Variants in STEAP1B observed in about 807,000 individuals in gnomAD.
The protein encoded by STEAP1B is STEAP family protein MGC87042.
Under a neutral mutation model 27.9 loss-of-function variants are expected in STEAP1B, and 13 were observed. That is an observed-to-expected ratio of 0.47 (90% CI 0.30 to 0.74). The LOEUF (loss-of-function observed/expected upper bound fraction) is 0.74. Ranked by LOEUF, STEAP1B falls within the 30% of genes least tolerant of loss-of-function variation. The pLI is 0.06. For synonymous variants in STEAP1B, 86 were observed against 107.1 expected, an observed-to-expected ratio of 0.80 and a Z score of 1.22; for missense variants, 250 against 298.7, an observed-to-expected ratio of 0.84 and a Z score of 1.20.
chr7:22,428,246 G>T (rs1785133964), intron 4 of STEAP1B, among the ~76,000 whole-genome samples: 1 of 152,142 alleles, frequency 6.6e-6, no homozygotes, highest in Non-Finnish European at 1.5e-5. Flanking sequence ...TGTCTAGGGA[G>T]CACAACCCAT....
At chr7:22,488,951 T>C (rs1178639134) in intron 4 of STEAP1B, among the ~76,000 whole-genome samples, 2 of 152,188 alleles carry the variant, frequency 1.3e-5, no homozygotes, top group African/African-American at 2.4e-5. Context: ...GCCATAAAAA[T>C]GACTAGGAGT....
chr7:22,437,857 G>A (rs759530700), intron 4 of STEAP1B, among the ~76,000 whole-genome samples: 12 of 152,148 alleles, frequency 7.9e-5, no homozygotes, highest in Non-Finnish European at 1.5e-4. Context: ...AATTAGTGAC[G>A]TGATTATTGA....
At position 22,456,972 on chromosome 7, in the gene STEAP1B, A is replaced by ATATATATATATATATATTTTT; in HGVS notation, c.762+35592_762+35593insAAAAATATATATATATATATA. 1.1e-4 allele frequency among the ~76,000 whole-genome samples: 6 copies of ATATATATATATATATATTTTT among 57,078 alleles called. 1 individual carries two copies. Among genetic ancestry groups the ATATATATATATATATATTTTT allele is most frequent in the African/African-American group, 3.5e-4 (5 of 14,276 alleles). 37.4% of individuals were successfully genotyped at this position (57,078 alleles called of 152,430 possible). A position where few individuals can be genotyped will look rare whatever the true frequency, so the allele number is the denominator to read the frequency against. ...GGCAGCTATATATATATATATATATATTTTTTTTTTTTTTAAGTATCCTGG... is the reference window on the plus strand; with the variant it reads ...GGCAGCTATATATATATATATATATATATATATATATATATATTTTTTTTTTTTTTTTTTTAAGTATCCTGG... On this transcript the variant is annotated intron_variant, in intron 4 of 4. Coordinates refer to ENST00000678116, the MANE Select transcript of STEAP1B (RefSeq NM_001382447.1).
intron 4 of STEAP1B, among the ~76,000 whole-genome samples, chr7:22,429,396 G>A (rs1032383152): frequency 6.6e-6 from 1 of 152,150 alleles, no homozygotes; most frequent in Non-Finnish European, 1.5e-5. Flanking sequence ...ACATCATGTT[G>A]CATTTTTTTC....
At chr7:22,455,571 G>C (rs532577727) in intron 4 of STEAP1B, among the ~76,000 whole-genome samples, 3 of 152,252 alleles carry the variant, frequency 2.0e-5, no homozygotes, top group African/African-American at 7.2e-5. Flanking sequence ...TTTTTATTAA[G>C]TTGTCTTTTT....
At chr7:22,488,484 G>C (rs921875552) in intron 4 of STEAP1B, among the ~76,000 whole-genome samples, 1 of 152,222 alleles carries the variant, frequency 6.6e-6, no homozygotes, top group African/African-American at 2.4e-5. Flanking sequence ...AGAAGGGCTT[G>C]AATAAGTGGA....
Position 22,464,376 on chromosome 7 carries a change from T to C in STEAP1B, c.762+28189A>G, listed in dbSNP as rs144248421. On this transcript the variant is annotated intron_variant, in intron 4 of 4. Transcript: ENST00000678116. ...GTTCGGGTTTACTGAGGGTGTGTTC[T>C]ACTAACTCACTTTTTAACTTAGTCC... 1.4e-3 allele frequency among the ~76,000 whole-genome samples: 213 copies of C among 152,302 alleles called. 2 individuals are homozygous for C. Among genetic ancestry groups the C allele is most frequent in the African/African-American group, 4.1e-3 (169 of 41,574 alleles).
At chr7:22,441,915 G>C (rs763111571) in intron 4 of STEAP1B, among the ~76,000 whole-genome samples, 11 of 152,186 alleles carry the variant, frequency 7.2e-5, no homozygotes, top group Admixed American at 5.2e-4. Flanking sequence ...TAAGACTTTT[G>C]AATAAAACTA....
At chr7:22,456,972 A>ATATTTTTTTTTT in intron 4 of STEAP1B, among the ~76,000 whole-genome samples, 2 of 57,046 alleles carry the variant, frequency 3.5e-5, no homozygotes, top group African/African-American at 1.4e-4. Context: ...ATATATATAT[A>ATATTTTTTTTTT]TTTTTTTTTT....
chr7:22,476,432 A>G (rs901568349), intron 4 of STEAP1B, among the ~76,000 whole-genome samples: 3 of 152,170 alleles, frequency 2.0e-5, no homozygotes. Flanking sequence ...GAGAACTACA[A>G]TGGCTTGCAA....
chr7:22,433,294 C>A, intron 4 of STEAP1B, among the ~76,000 whole-genome samples: 1 of 148,806 alleles, frequency 6.7e-6, no homozygotes, highest in East Asian at 2.0e-4. Context: ...CCTTCCACCC[C>A]CTCCACATAA....
At chr7:22,474,594 G>A (rs1011714871) in intron 4 of STEAP1B, among the ~76,000 whole-genome samples, 9 of 152,292 alleles carry the variant, frequency 5.9e-5, no homozygotes, top group South Asian at 2.1e-4. Context: ...CACTGCCCTG[G>A]TACTTACCAA....
At chr7:22,484,408 A>G (rs1786138742) in intron 4 of STEAP1B, among the ~76,000 whole-genome samples, 1 of 152,224 alleles carries the variant, frequency 6.6e-6, no homozygotes, top group Non-Finnish European at 1.5e-5. Context: ...CAAAACCTGG[A>G]TGACAACACA....
In STEAP1B at chr7:22,438,488, C is replaced by G. The variant is rs760376709; in HGVS notation, c.763-18652G>C. 3.2e-6 allele frequency: 5 copies of G among 1,548,336 alleles called. No individual in the cohort carries two copies. In the African/African-American group the frequency reaches 5.5e-5, roughly 17 times the overall value. ...AACAAGGTTCTCACTTTCATGCATG[C>G]TTAAATCTGAAAGATGATCAGCAAT... On this transcript the variant is annotated intron_variant, in intron 4 of 4. Transcript: ENST00000678116.
At chr7:22,464,297 T>C (rs567147135) in intron 4 of STEAP1B, among the ~76,000 whole-genome samples, 3 of 152,190 alleles carry the variant, frequency 2.0e-5, no homozygotes, top group Non-Finnish European at 4.4e-5. Flanking sequence ...CAGGCTCAGA[T>C]CATTACCCAT....
chr7:22,438,721 T>C (rs1341437203), intron 4 of STEAP1B: 2 of 1,551,486 alleles, frequency 1.3e-6, no homozygotes, highest in Non-Finnish European at 1.7e-6. Context: ...GGCCTGAAAG[T>C]TGCACAAAGC....
intron 4 of STEAP1B, chr7:22,438,827 G>T: frequency 6.9e-7 from 1 of 1,441,464 alleles, no homozygotes; most frequent in Non-Finnish European, 9.1e-7. Context: ...CCTGTGATAA[G>T]TGTATAATGA....
rs1413567574 is a variant in STEAP1B, at chr7:22,443,154, A to G, written c.763-23318T>C. 2.6e-5 allele frequency among the ~76,000 whole-genome samples: 4 copies of G among 152,308 alleles called. No individual in the cohort carries two copies. In the Middle Eastern group the frequency reaches 0.014, roughly 518 times the overall value. ...TCATCTTTCGCAGGTGTTTACCACAATAAATCTCCTGGAACAACTCTGTTC... is the reference window on the plus strand; with the variant it reads ...TCATCTTTCGCAGGTGTTTACCACAGTAAATCTCCTGGAACAACTCTGTTC... On this transcript the variant is annotated intron_variant, in intron 4 of 4. Coordinates refer to ENST00000678116, the MANE Select transcript of STEAP1B (RefSeq NM_001382447.1).
intron 4 of STEAP1B, among the ~76,000 whole-genome samples, chr7:22,455,911 G>A (rs1171202848): frequency 1.3e-5 from 2 of 152,204 alleles, no homozygotes; most frequent in African/African-American, 4.8e-5. Flanking sequence ...ACTTTGGGAG[G>A]CCGAGGAGGG....
Sources: allele counts gnomAD v4.1 joint callset (sites outside exome capture counted in the v4.1 genomes callset), GRCh38; gene constraint gnomAD v4.1.1; transcripts MANE v1.5; gene names NCBI Gene and HGNC (gene_info 2026-07-23, HGNC 2026-07-21).